The following FLRT2 variants were observed in gnomAD, a reference collection of about 807,000 sequenced individuals.
FLRT2 encodes the protein fibronectin leucine rich transmembrane protein 2.
Under a neutral mutation model 40.0 loss-of-function variants are expected in FLRT2, and 15 were observed. That is an observed-to-expected ratio of 0.38 (90% CI 0.25 to 0.58). FLRT2 has a LOEUF of 0.58. Ranked by LOEUF, FLRT2 falls within the 20% of genes least tolerant of loss-of-function variation. The pLI is 0.71. For synonymous variants in FLRT2, 380 were observed against 336.8 expected, an observed-to-expected ratio of 1.13 and a Z score of -1.41; for missense variants, 726 against 840.0, an observed-to-expected ratio of 0.86 and a Z score of 1.68.
In FLRT2 at chr14:85,643,813, A is replaced by C. The variant is rs17094460; in HGVS notation, c.*20316A>C. ...TCCCTGTTTAAGTGGGGTTGGTGGAATCCTGGAGTGACAGAGAACAAACGA... is the reference window on the plus strand; with the variant it reads ...TCCCTGTTTAAGTGGGGTTGGTGGACTCCTGGAGTGACAGAGAACAAACGA... On this transcript the variant is annotated 3_prime_UTR_variant, in exon 2 of 2. Coordinates refer to ENST00000330753, the MANE Select transcript of FLRT2 (RefSeq NM_013231.6). 0.22 allele frequency: 33,761 copies of C among 152,098 alleles called. 3,926 individuals are homozygous for C. The highest frequency in any genetic ancestry group is 0.3 in the East Asian group (1,526 of 5,150). 9.4% of individuals were successfully genotyped at this position (152,098 alleles called of 1,614,324 possible).
chr14:85,569,134 G>A (rs1381232973), intron 1 of FLRT2, among the ~76,000 whole-genome samples: 1 of 152,118 alleles, frequency 6.6e-6, no homozygotes, highest in Non-Finnish European at 1.5e-5. Flanking sequence ...AGGGCTCTTT[G>A]GGGACAAAGG....
intron 1 of FLRT2, among the ~76,000 whole-genome samples, chr14:85,571,363 T>G (rs1161979585): frequency 1.3e-5 from 2 of 152,192 alleles, no homozygotes; most frequent in African/African-American, 4.8e-5. Flanking sequence ...AATTATTAGG[T>G]GGTCAAATAA....
At chr14:85,551,006 G>T (rs1243945929) in intron 1 of FLRT2, among the ~76,000 whole-genome samples, 1 of 152,120 alleles carries the variant, frequency 6.6e-6, no homozygotes, top group East Asian at 1.9e-4. Context: ...GTGAAATCAT[G>T]AATGGAATTT....
chr14:85,597,078 T>C (rs1892172820), intron 1 of FLRT2, among the ~76,000 whole-genome samples: 1 of 152,192 alleles, frequency 6.6e-6, no homozygotes, highest in African/African-American at 2.4e-5. Context: ...AAATTAAATA[T>C]GACATAAGGC....
Position 85,623,730 on chromosome 14 carries a change from T to TAAA in FLRT2, c.*243_*245dup. 3.0e-6 allele frequency: 1 copy of TAAA among 330,570 alleles called. No homozygotes were observed. The highest frequency in any genetic ancestry group is 5.5e-6 in the Non-Finnish European group (1 of 181,126). The allele number at this position is 330,570 out of a possible 1,614,324, so 20.5% of individuals were successfully genotyped here. A position where few individuals can be genotyped will look rare whatever the true frequency, so the allele number is the denominator to read the frequency against. ...TTGTAACTCTTTGCTTTTTAAATCT[T>TAAA]AAAAAAAAAAAAGTTGCTGAAGTAC... On this transcript the variant is annotated 3_prime_UTR_variant, in exon 2 of 2. Transcript: ENST00000330753.
rs1555373505 is a variant in FLRT2, at chr14:85,642,142, A to AAAAAAAAAG, written c.*18650_*18651insAAAGAAAAA. ...CAAGGTTGCTGTTGACAAAAAAAAA[A>AAAAAAAAAG]AAAAAGAAAGAAAGAAAAAAATGGC... On this transcript the variant is annotated 3_prime_UTR_variant, in exon 2 of 2. Transcript: ENST00000330753. 1.3e-5 allele frequency: 2 copies of AAAAAAAAAG among 150,490 alleles called. No homozygotes were observed. The highest frequency in any genetic ancestry group is 4.9e-5 in the African/African-American group (2 of 41,136). The allele number at this position is 150,490 out of a possible 1,614,324, so 9.3% of individuals were successfully genotyped here.
intron 1 of FLRT2, among the ~76,000 whole-genome samples, chr14:85,573,691 T>C (rs1243250113): frequency 1.3e-5 from 2 of 152,200 alleles, no homozygotes; most frequent in Non-Finnish European, 2.9e-5. Context: ...GGTTCTATTC[T>C]TGGTTTTGTT....
chr14:85,594,666 TA>T (rs1892051346), intron 1 of FLRT2, among the ~76,000 whole-genome samples: 1 of 152,202 alleles, frequency 6.6e-6, no homozygotes, highest in African/African-American at 2.4e-5. Context: ...CTTTTGAATC[TA>T]AACCCGTCTC....
Position 85,643,296 on chromosome 14 carries a change from TTTCTTTCTTTCTTTC to T in FLRT2, c.*19802_*19816del, listed in dbSNP as rs1566774395. ...GTTCAGAGGGTATTTCTTTTTTTTCTTTCTTTCTTTCTTTCTTTCTTTCTTTCTTTCTTTCTTTCT... is the reference window on the plus strand; with the variant it reads ...GTTCAGAGGGTATTTCTTTTTTTTCTTTTCTTTCTTTCTTTCTTTCTTTCT... On this transcript the variant is annotated 3_prime_UTR_variant, in exon 2 of 2. Coordinates refer to ENST00000330753, the MANE Select transcript of FLRT2 (RefSeq NM_013231.6). 5 of 87,984 alleles carry T rather than the reference TTTCTTTCTTTCTTTC, an allele frequency of 5.7e-5. No homozygotes were observed. The highest frequency in any genetic ancestry group is 4.7e-4 in the South Asian group (1 of 2,136). The allele number at this position is 87,984 out of a possible 1,614,324, so 5.5% of individuals were successfully genotyped here. A position where few individuals can be genotyped will look rare whatever the true frequency, so the allele number is the denominator to read the frequency against.
chr14:85,609,066 G>A (rs1176861969), intron 1 of FLRT2, among the ~76,000 whole-genome samples: 1 of 152,110 alleles, frequency 6.6e-6, no homozygotes, highest in East Asian at 1.9e-4. Flanking sequence ...TTCCCACTGA[G>A]GTTCCGTCCT....
In FLRT2 at chr14:85,654,286, T is replaced by A. The variant is rs182026441; in HGVS notation, c.*30789T>A. 1.3e-5 allele frequency: 2 copies of A among 152,272 alleles called. No individual in the cohort carries two copies. Among genetic ancestry groups the A allele is most frequent in the Admixed American group, 1.3e-4 (2 of 15,286 alleles). 9.4% of individuals were successfully genotyped at this position (152,272 alleles called of 1,614,324 possible). Reference sequence around the variant, plus strand: ...TTGTCTATGTAATTGTAGTGTATACTTATTATTGACAACTTGAAGAAAGTA... The same window carrying A: ...TTGTCTATGTAATTGTAGTGTATACATATTATTGACAACTTGAAGAAAGTA... On this transcript the variant is annotated 3_prime_UTR_variant, in exon 2 of 2. Transcript: ENST00000330753.
chr14:85,612,061 CAAAAAAAAAAAA>C (rs11298272), intron 1 of FLRT2, among the ~76,000 whole-genome samples: 15 of 62,262 alleles, frequency 2.4e-4, no homozygotes, highest in African/African-American at 4.6e-4. Flanking sequence ...ACTTACTTTT[CAAAAAAAAAAAA>C]AAAAAAAAAA....
intron 1 of FLRT2, among the ~76,000 whole-genome samples, chr14:85,615,767 C>T (rs1893103153): frequency 2.0e-5 from 1 of 51,178 alleles, no homozygotes; most frequent in South Asian, 3.9e-4. Flanking sequence ...TCACTTCATG[C>T]ACTGTGCTGC....
At chr14:85,596,085 C>G (rs1428526133) in intron 1 of FLRT2, among the ~76,000 whole-genome samples, 1 of 152,076 alleles carries the variant, frequency 6.6e-6, no homozygotes, top group Non-Finnish European at 1.5e-5. Flanking sequence ...ACTTTTTGAC[C>G]GTCCAGGAAG....
In FLRT2 at chr14:85,637,672, T is replaced by TCA. The variant is rs1894042247; in HGVS notation, c.*14175_*14176insCA. 1 of 152,214 alleles carries TCA rather than the reference T, an allele frequency of 6.6e-6. No individual in the cohort carries two copies. Among genetic ancestry groups the TCA allele is most frequent in the Non-Finnish European group, 1.5e-5 (1 of 68,050 alleles). 9.4% of individuals were successfully genotyped at this position (152,214 alleles called of 1,614,324 possible). On this transcript the variant is annotated 3_prime_UTR_variant, in exon 2 of 2. Coordinates refer to ENST00000330753, the MANE Select transcript of FLRT2 (RefSeq NM_013231.6). ...TGCCTTCTCATGTGATCAGGAGTGA[T>TCA]GTAGCTTTGAGGGTGGACCCACCAT...
intron 1 of FLRT2, among the ~76,000 whole-genome samples, chr14:85,614,315 T>A (rs1893025278): frequency 6.6e-6 from 1 of 152,060 alleles, no homozygotes; most frequent in Non-Finnish European, 1.5e-5. Context: ...TTACTTTATA[T>A]GATTTATATC....
rs5810259 is a variant in FLRT2, at chr14:85,550,038, G to GA, written c.-377+19516dup. Among the ~76,000 whole-genome samples the GA allele has an allele frequency of 4.1e-3, 606 of 147,210 alleles. 5 individuals carry two copies. The highest frequency in any genetic ancestry group is 0.014 in the African/African-American group (565 of 39,982). On this transcript the variant is annotated intron_variant, in intron 1 of 1. Coordinates refer to ENST00000330753, the MANE Select transcript of FLRT2 (RefSeq NM_013231.6). The stretch of plus-strand genomic sequence containing the variant: ...AACTCTTACAACCACTTATTTCTGG[G>GA]AAAAAAAAAAAAGAAATATTTTCAG...
intron 1 of FLRT2, among the ~76,000 whole-genome samples, chr14:85,586,055 T>G (rs1391166050): frequency 6.7e-6 from 1 of 148,394 alleles, no homozygotes; most frequent in Non-Finnish European, 1.5e-5. Context: ...TATACTTAAG[T>G]GATATAAGCT....
chr14:85,547,817 A>G (rs759772769), intron 1 of FLRT2, among the ~76,000 whole-genome samples: 10 of 152,214 alleles, frequency 6.6e-5, no homozygotes, highest in Non-Finnish European at 1.0e-4. Context: ...TTAGGGAGAC[A>G]TAAGACATCA....
Sources: gnomAD v4.1 joint callset for allele counts (sites outside exome capture counted in the v4.1 genomes callset) on GRCh38, gnomAD v4.1.1 for gene constraint, MANE v1.5 for transcripts, NCBI Gene and HGNC (gene_info 2026-07-23, HGNC 2026-07-21) for gene names.